IL7R: variants seen among roughly 807,000 people sequenced by gnomAD.
IL7R encodes the protein interleukin-7 receptor subunit alpha.
IL7R carries 38 observed loss-of-function variants against 47.0 expected under a neutral mutation model. The observed-to-expected ratio is 0.81, with a 90% confidence interval of 0.62 to 1.06. IL7R has a LOEUF of 1.06. Ranked by LOEUF, IL7R falls within the 50% of genes least tolerant of loss-of-function variation. IL7R has a pLI of 0.00. For missense variants in IL7R, 633 were observed against 534.8 expected, an observed-to-expected ratio of 1.18 and a Z score of -1.81; for synonymous variants, 221 against 199.8, an observed-to-expected ratio of 1.11 and a Z score of -0.89.
At chr5:35,873,334 C>T (rs144430079) in intron 4 of IL7R, 146 bp from the exon 5 acceptor site, 25 of 733,360 alleles carry the variant, frequency 3.4e-5, no homozygotes, top group East Asian at 1.6e-4. Flanking sequence ...GACTCCTTTA[C>T]GTATCAGAGC....
In IL7R at chr5:35,871,109, G is replaced by A. The variant is rs201790329; in HGVS notation, c.433G>A (p.Asp145Asn). The change falls in exon 4 of 8, where the codon GAC becomes AAC. Residue 145 changes from aspartate to asparagine, a missense_variant. Physicochemically the swap from Asp to Asn is conservative, Grantham distance 23. Transcript: ENST00000303115. ...TGTCGTCTATCGGGAAGGAGCCAATGACTTTGTGGTGACATTTAATACATC... is the reference window on the plus strand; with the variant it reads ...TGTCGTCTATCGGGAAGGAGCCAATAACTTTGTGGTGACATTTAATACATC... ...LSVVYREGAN[D>N]FVVTFNTSHL... is the part of the protein sequence containing the mutation. The A allele has an allele frequency of 1.9e-5, 30 of 1,612,302 alleles. No individual in the cohort carries two copies. In the Middle Eastern group the frequency reaches 9.9e-4, roughly 53 times the overall value.
chr5:35,861,252 A>T (rs1759804906), intron 2 of IL7R, among the ~76,000 whole-genome samples: 1 of 152,060 alleles, frequency 6.6e-6, no homozygotes, highest in African/African-American at 2.4e-5. Context: ...TCCCAACTTC[A>T]TATCAGAATT....
rs199882238 is a variant in IL7R at position 35,876,526 on chromosome 5, A to G, written c.*40A>G. The G allele has an allele frequency of 1.6e-5, 25 of 1,598,026 alleles. No homozygotes were observed. In the Admixed American group the frequency reaches 2.0e-4, roughly 13 times the overall value. On this transcript the variant is annotated 3_prime_UTR_variant, in exon 8 of 8. Transcript: ENST00000303115. ...AGACTGAACTTACCGTGAGCGACAAAGATGATTTAAAAGGGAAGTCTAGAG... is the reference window on the plus strand; with the variant it reads ...AGACTGAACTTACCGTGAGCGACAAGGATGATTTAAAAGGGAAGTCTAGAG...
intron 4 of IL7R, among the ~76,000 whole-genome samples, chr5:35,872,734 A>G (rs764432908): frequency 3.9e-4 from 60 of 152,198 alleles, no homozygotes; most frequent in Admixed American, 4.6e-4. Context: ...AGGTTTATAT[A>G]TGTCAACACA....
chr5:35,876,139 C>G lies in IL7R; in HGVS notation c.1033C>G (p.Gln345Glu), dbSNP rs2149905524. The change falls in exon 8 of 8, where the codon CAG becomes GAG. Residue 345 changes from glutamine (Q) to glutamate (E), a missense_variant. By Grantham distance (29) the Gln-to-Glu change is conservative (BLOSUM62 2). Coordinates refer to ENST00000303115, the MANE Select transcript of IL7R (RefSeq NM_002185.5). ...GAAGCAGAGGCTTGGAGGGGATGTGCAGAGCCCCAACTGCCCATCTGAGGA... is the reference window on the plus strand; with the variant it reads ...GAAGCAGAGGCTTGGAGGGGATGTGGAGAGCCCCAACTGCCCATCTGAGGA... ...SEKQRLGGDV[Q>E]SPNCPSEDVV... The G allele has an allele frequency of 1.9e-6, 3 of 1,614,160 alleles. No homozygotes were observed. In the South Asian group the frequency reaches 3.3e-5, roughly 18 times the overall value.
rs193102005 is a variant in IL7R at position 35,864,502 on chromosome 5, T to C, written c.222-2804T>C. On this transcript the variant is annotated intron_variant, in intron 2 of 7. Coordinates refer to ENST00000303115, the MANE Select transcript of IL7R (RefSeq NM_002185.5). ...ATTCTACTCTCCTTCCAGCGATGCATGAGAGATATACATCATTTGCAACGT... is the reference window on the plus strand; with the variant it reads ...ATTCTACTCTCCTTCCAGCGATGCACGAGAGATATACATCATTTGCAACGT... Among the ~76,000 whole-genome samples, 3 of 152,294 alleles carry C rather than the reference T, an allele frequency of 2.0e-5. No homozygotes were observed. In the East Asian group the frequency reaches 5.8e-4, roughly 29 times the overall value.
At chr5:35,867,229 A>G (rs1049337962) in intron 2 of IL7R, 77 bp from the exon 3 acceptor site, 5 of 1,282,424 alleles carry the variant, frequency 3.9e-6, no homozygotes, top group Admixed American at 1.7e-5. Flanking sequence ...ACATACATCA[A>G]TGTGCATATG....
intron 4 of IL7R, among the ~76,000 whole-genome samples, chr5:35,871,909 AT>A (rs1443630355): frequency 3.3e-5 from 5 of 152,020 alleles, no homozygotes; most frequent in African/African-American, 1.2e-4. Flanking sequence ...AGAGATGATG[AT>A]TTCTCTTCCT....
intron 3 of IL7R, among the ~76,000 whole-genome samples, chr5:35,870,713 G>A (rs928816543): frequency 1.3e-5 from 2 of 152,234 alleles, no homozygotes; most frequent in Admixed American, 1.3e-4. Context: ...AGCAGTATTA[G>A]GGGCACTTTC....
At position 35,860,926 on chromosome 5, in the gene IL7R, C is replaced by T. The variant is rs779308643; in HGVS notation, c.157C>T (p.His53Tyr). The change falls in exon 2 of 8, where the codon CAC (histidine) becomes TAC (tyrosine). Residue 53 changes from histidine (H) to tyrosine (Y), a missense_variant. By Grantham distance (83) the His-to-Tyr change is moderately conservative (BLOSUM62 2). Transcript: ENST00000303115. Reference protein sequence around the residue: ...YSQLEVNGSQHSLTCAFEDPD... With the variant: ...YSQLEVNGSQYSLTCAFEDPD... ...CCAGTTGGAAGTGAATGGATCGCAG[C>T]ACTCACTGACCTGTGCTTTTGAGGA... 57 of 1,613,182 alleles carry T rather than the reference C, an allele frequency of 3.5e-5. No homozygotes were observed. In the Middle Eastern group the frequency reaches 1.3e-3, roughly 37 times the overall value.
At chr5:35,862,889 T>A (rs1293048530) in intron 2 of IL7R, among the ~76,000 whole-genome samples, 1 of 152,120 alleles carries the variant, frequency 6.6e-6, no homozygotes, top group Non-Finnish European at 1.5e-5. Context: ...AATTCAGAAA[T>A]GGGACCCCGC....
rs866083752 is a variant in IL7R, at chr5:35,874,519, G to A, written c.777G>A (p.Leu259=). The change falls in exon 6 of 8, where the codon TTG becomes TTA. Residue 259 remains leucine, a synonymous_variant. Transcript: ENST00000303115. ...TCTCTGTCGCTCTGTTGGTCATCTT[G>A]GCCTGTGTGTTATGGAAAAAAAGGT... The part of the protein sequence containing the change: ...SFFSVALLVI[L]ACVLWKKRIK... 21 of 1,612,900 alleles carry A rather than the reference G, an allele frequency of 1.3e-5. No homozygotes were observed. Among genetic ancestry groups the A allele is most frequent in the Non-Finnish European group, 1.4e-5 (17 of 1,179,122 alleles).
chr5:35,864,092 G>GT (rs1023969530), intron 2 of IL7R, among the ~76,000 whole-genome samples: 1 of 151,846 alleles, frequency 6.6e-6, no homozygotes, highest in African/African-American at 2.4e-5. Flanking sequence ...TTACCCTTTG[G>GT]TTTTTGCCAG....
intron 4 of IL7R, among the ~76,000 whole-genome samples, chr5:35,872,679 T>A (rs1348087172): frequency 1.5e-4 from 23 of 152,084 alleles, no homozygotes; most frequent in Admixed American, 1.5e-3. Context: ...ATCAAAGCTG[T>A]AGAAGAAAAG....
intron 2 of IL7R, 125 bp downstream of exon 2, chr5:35,861,115 C>T: frequency 9.7e-7 from 1 of 1,027,110 alleles, no homozygotes; most frequent in Non-Finnish European, 1.5e-6. Context: ...CTAAGGAATT[C>T]CCAAAGGCCT....
chr5:35,876,505 T>A lies in IL7R; in HGVS notation c.*19T>A, dbSNP rs2149906506. On this transcript the variant is annotated 3_prime_UTR_variant, in exon 8 of 8. Transcript: ENST00000303115. ...CCAGTGAAGTGTAAGAAACCCAGAC[T>A]GAACTTACCGTGAGCGACAAAGATG... is the stretch of plus-strand genomic sequence containing the variant. 2 of 1,600,122 alleles carry A rather than the reference T, an allele frequency of 1.2e-6. No homozygotes were observed. Among genetic ancestry groups the A allele is most frequent in the Non-Finnish European group, 1.7e-6 (2 of 1,179,700 alleles).
In IL7R at chr5:35,868,728, A is replaced by G. The variant is rs181758811; in HGVS notation, c.379+1265A>G. Among the ~76,000 whole-genome samples, 4 of 152,346 alleles carry G rather than the reference A, an allele frequency of 2.6e-5. No individual in the cohort carries two copies. The East Asian group carries it at 7.7e-4, about 29-fold the overall frequency. ...GTGAGCAGAGAAGGCAGAGGTTCTC[A>G]GTCTTCTGACAAGGTCCTGGAGCAT... On this transcript the variant is annotated intron_variant, in intron 3 of 7. Coordinates refer to ENST00000303115, the MANE Select transcript of IL7R (RefSeq NM_002185.5).
chr5:35,861,667 C>T (rs1759823553), intron 2 of IL7R, among the ~76,000 whole-genome samples: 1 of 151,762 alleles, frequency 6.6e-6, no homozygotes, highest in Admixed American at 6.6e-5. Flanking sequence ...AATAAGTTGG[C>T]ATTTTGTTTC....
chr5:35,863,470 A>T (rs1759869255), intron 2 of IL7R, among the ~76,000 whole-genome samples: 1 of 152,136 alleles, frequency 6.6e-6, no homozygotes, highest in Admixed American at 6.5e-5. Flanking sequence ...ACATGCAGAG[A>T]AGAGTGTACA....
Sources: allele counts gnomAD v4.1 joint callset (sites outside exome capture counted in the v4.1 genomes callset), GRCh38; gene constraint gnomAD v4.1.1; transcripts MANE v1.5; gene names NCBI Gene and HGNC (gene_info 2026-07-23, HGNC 2026-07-21).